The following SLC9A9 variants were observed in gnomAD, a reference collection of about 807,000 sequenced individuals.
SLC9A9 encodes sodium/hydrogen exchanger 9.
Under a neutral mutation model 77.8 loss-of-function variants are expected in SLC9A9, and 62 were observed. The ratio of observed to expected loss-of-function variants is 0.80; its 90% confidence interval spans 0.65 to 0.98. The LOEUF (loss-of-function observed/expected upper bound fraction) is 0.98. SLC9A9 is among the 50% of genes least tolerant of loss of function. SLC9A9 has a pLI of 0.00. For missense variants in SLC9A9, 775 were observed against 774.9 expected, an observed-to-expected ratio of 1.00 and a Z score of 0.00; for synonymous variants, 320 against 283.5, an observed-to-expected ratio of 1.13 and a Z score of -1.29.
At chr3:143,757,167 C>A (rs2006953102) in intron 4 of SLC9A9, among the ~76,000 whole-genome samples, 1 of 152,052 alleles carries the variant, frequency 6.6e-6, no homozygotes, top group Non-Finnish European at 1.5e-5. Flanking sequence ...CAACTCAAAC[C>A]AATACCAGGG....
At chr3:143,662,596 G>C (rs779457204) in intron 5 of SLC9A9, among the ~76,000 whole-genome samples, 1 of 152,054 alleles carries the variant, frequency 6.6e-6, no homozygotes, top group Non-Finnish European at 1.5e-5. Flanking sequence ...GGACACTCGT[G>C]CTCTAATACT....
chr3:143,640,756 G>T (rs2038607856), intron 6 of SLC9A9, among the ~76,000 whole-genome samples: 1 of 152,180 alleles, frequency 6.6e-6, no homozygotes, highest in Admixed American at 6.5e-5. Flanking sequence ...GGAGGCTGAG[G>T]TGGGAGGATC....
chr3:143,282,749 G>A (rs1190778845), intron 14 of SLC9A9, among the ~76,000 whole-genome samples: 1 of 152,174 alleles, frequency 6.6e-6, no homozygotes, highest in East Asian at 1.9e-4. Flanking sequence ...GACTGTGGTG[G>A]CATCATGGAG....
At chr3:143,717,349 TCTGA>T (rs1477816114) in intron 4 of SLC9A9, among the ~76,000 whole-genome samples, 1 of 152,238 alleles carries the variant, frequency 6.6e-6, no homozygotes, top group Non-Finnish European at 1.5e-5. Context: ...AATGAATGGC[TCTGA>T]CTATGGCTTC....
intron 11 of SLC9A9, among the ~76,000 whole-genome samples, chr3:143,473,737 G>A (rs1317479809): frequency 6.6e-6 from 1 of 152,162 alleles, no homozygotes; most frequent in Non-Finnish European, 1.5e-5. Context: ...TTTTTTAGAA[G>A]TTTGGAGTTA....
intron 9 of SLC9A9, among the ~76,000 whole-genome samples, chr3:143,509,666 TTTTG>T (rs1185435134): frequency 1.3e-5 from 2 of 152,182 alleles, no homozygotes; most frequent in African/African-American, 2.4e-5. Context: ...TTGGGGTCAA[TTTTG>T]TTTTTGTTCC....
chr3:143,442,563 A>T (rs555702805), intron 12 of SLC9A9, among the ~76,000 whole-genome samples: 1 of 152,234 alleles, frequency 6.6e-6, no homozygotes, highest in Non-Finnish European at 1.5e-5. Flanking sequence ...TCTACTAAAA[A>T]TATAAAAATT....
chr3:143,453,392 T>A (rs1021195870), intron 12 of SLC9A9, among the ~76,000 whole-genome samples: 1 of 152,100 alleles, frequency 6.6e-6, no homozygotes, highest in Admixed American at 6.6e-5. Context: ...CCAGTAAAGA[T>A]AGCTCCCTCC....
chr3:143,382,276 C>CA lies in SLC9A9; in HGVS notation c.1470-163dup, dbSNP rs139965129. ...AATCAAAAGAACCTCAGATTTATAC[C>CA]AAAATAAGAACTTGAACAGCTGGGC... On this transcript the variant is annotated intron_variant, in intron 12 of 15. Transcript: ENST00000316549. 7.8e-4 allele frequency: 587 copies of CA among 749,360 alleles called. 11 individuals carry two copies. The East Asian group carries it at 0.015, about 20-fold the overall frequency. 46.4% of individuals were successfully genotyped at this position (749,360 alleles called of 1,614,324 possible).
intron 1 of SLC9A9, among the ~76,000 whole-genome samples, chr3:143,832,501 T>C (rs918105555): frequency 1.3e-5 from 2 of 152,166 alleles, no homozygotes; most frequent in Non-Finnish European, 2.9e-5. Context: ...CCTAACTCCT[T>C]CTATCCATCC....
At chr3:143,405,369 C>G (rs1261698142) in intron 12 of SLC9A9, among the ~76,000 whole-genome samples, 3 of 152,180 alleles carry the variant, frequency 2.0e-5, no homozygotes, top group Non-Finnish European at 1.5e-5. Context: ...AATATCTACC[C>G]TACAAGCAAG....
At chr3:143,826,920 G>C (rs16854417) in intron 2 of SLC9A9, among the ~76,000 whole-genome samples, 14,837 of 152,020 alleles carry the variant, frequency 0.098, 1,950 homozygotes, top group African/African-American at 0.3. Flanking sequence ...TTTTTGATAC[G>C]TGCCTTTAGT....
intron 4 of SLC9A9, among the ~76,000 whole-genome samples, chr3:143,700,078 C>A (rs75430736): frequency 0.48 from 73,354 of 151,474 alleles, 18,023 homozygotes; most frequent in South Asian, 0.62. Context: ...TCTAGACACA[C>A]CCTGGGCCAG....
At chr3:143,783,631 G>T (rs143813704) in intron 4 of SLC9A9, among the ~76,000 whole-genome samples, 2 of 152,146 alleles carry the variant, frequency 1.3e-5, no homozygotes, top group East Asian at 3.9e-4. Context: ...AATCATAAAT[G>T]GGGAAAAATG....
chr3:143,500,057 C>T lies in SLC9A9; in HGVS notation c.1090-4609G>A, dbSNP rs190576679. 2.4e-4 allele frequency among the ~76,000 whole-genome samples: 36 copies of T among 152,132 alleles called. No homozygotes were observed. In the East Asian group the frequency reaches 6.0e-3, roughly 25 times the overall value. ...TGTATTGTTAAAGTTACTCAGGTAT[C>T]ACAAAACAGATTCCTGTTCTCTTCC... On this transcript the variant is annotated intron_variant, in intron 9 of 15. Transcript: ENST00000316549.
intron 6 of SLC9A9, among the ~76,000 whole-genome samples, chr3:143,634,662 A>G (rs780829370): frequency 1.3e-5 from 2 of 152,152 alleles, no homozygotes; most frequent in African/African-American, 4.8e-5. Context: ...CTTCACACAC[A>G]CACACATATA....
At chr3:143,431,540 T>G (rs1290421607) in intron 12 of SLC9A9, among the ~76,000 whole-genome samples, 2 of 149,520 alleles carry the variant, frequency 1.3e-5, no homozygotes, top group African/African-American at 4.9e-5. Flanking sequence ...TGGAGTACAG[T>G]GGTGCAATCT....
At chr3:143,791,397 A>T (rs1266778317) in intron 4 of SLC9A9, among the ~76,000 whole-genome samples, 1 of 152,230 alleles carries the variant, frequency 6.6e-6, no homozygotes, top group Non-Finnish European at 1.5e-5. Context: ...ATCTGAGTCC[A>T]GCTAAAACCA....
chr3:143,509,827 G>A (rs867805863), intron 9 of SLC9A9, among the ~76,000 whole-genome samples: 6 of 152,148 alleles, frequency 3.9e-5, no homozygotes, highest in African/African-American at 1.4e-4. Context: ...CTATAGATAT[G>A]TGCTAGAAGC....
Sources: gnomAD v4.1 joint callset for allele counts (sites outside exome capture counted in the v4.1 genomes callset) on GRCh38, gnomAD v4.1.1 for gene constraint, MANE v1.5 for transcripts, NCBI Gene and HGNC (gene_info 2026-07-23, HGNC 2026-07-21) for gene names.